Variants in C12orf42 observed in about 807,000 individuals in gnomAD.
The protein encoded by C12orf42 is chromosome 12 open reading frame 42.
A neutral mutation model predicts 21.6 loss-of-function variants in C12orf42; 25 were observed. The observed-to-expected ratio is 1.16, with a 90% CI of 0.84 to 1.62. The LOEUF (loss-of-function observed/expected upper bound fraction) is 1.62, where lower values mean the gene tolerates loss of function less well. C12orf42 is among the 40% of genes most tolerant of loss of function. The probability of loss-of-function intolerance (pLI) is 0.00; values close to 1 mark genes in which losing one functional copy is unlikely to be tolerated. For missense variants in C12orf42, 483 were observed against 459.3 expected (o/e 1.05, Z -0.47); for synonymous variants, 174 against 175.0 (o/e 0.99, Z 0.05).
chr12:103,442,253 T>G (rs760190982), intron 2 of C12orf42, among the ~76,000 whole-genome samples: 1 of 152,232 alleles, frequency 6.6e-6, no homozygotes, highest in African/African-American at 2.4e-5. Flanking sequence ...CCATAACTAA[T>G]GTTCATGCAT....
chr12:103,552,398 A>G, the C12orf42 span, among the ~76,000 whole-genome samples: 2 of 152,148 alleles, frequency 1.3e-5, no homozygotes, highest in Non-Finnish European at 2.9e-5. Context: ...TATTTATTAA[A>G]AACAAAAAAA....
chr12:103,208,308 C>T, the C12orf42 span, among the ~76,000 whole-genome samples: 1 of 152,196 alleles, frequency 6.6e-6, no homozygotes, highest in Non-Finnish European at 1.5e-5. Context: ...CTGATTACTT[C>T]TGGGGCTGAT....
intron 1 of C12orf42, among the ~76,000 whole-genome samples, chr12:103,484,348 G>A (rs1015750579): frequency 3.9e-5 from 6 of 152,064 alleles, no homozygotes; most frequent in Non-Finnish European, 5.9e-5. Context: ...TTTAATGATC[G>A]CCATTCTAAC....
chr12:103,367,229 G>A (rs1275905486), intron 4 of C12orf42, among the ~76,000 whole-genome samples: 1 of 152,026 alleles, frequency 6.6e-6, no homozygotes, highest in Non-Finnish European at 1.5e-5. Flanking sequence ...TCACTCATAA[G>A]TGGAAGCTAA....
chr12:103,178,346 T>A, the C12orf42 span: 1 of 152,208 alleles, frequency 6.6e-6, no homozygotes, highest in Non-Finnish European at 1.5e-5. Flanking sequence ...TGCCCTACAA[T>A]GCTGACTGGG....
intron 2 of C12orf42, among the ~76,000 whole-genome samples, chr12:103,472,684 T>G (rs1861958264): frequency 6.6e-6 from 1 of 151,668 alleles, no homozygotes. Flanking sequence ...ATTGTGAGAG[T>G]AGAACTAAAA....
intron 2 of C12orf42, among the ~76,000 whole-genome samples, chr12:103,434,806 C>G (rs373792883): frequency 7.2e-4 from 109 of 152,276 alleles, no homozygotes; most frequent in Non-Finnish European, 1.4e-3. Flanking sequence ...AACTGCAAGG[C>G]GGCAGCGAGG....
chr12:103,124,155 C>CTTTTT, the C12orf42 span, among the ~76,000 whole-genome samples: 167 of 75,986 alleles, frequency 2.2e-3, 7 homozygotes, highest in African/African-American at 6.6e-3. Context: ...CAAACATAAG[C>CTTTTT]TTTTTTTTTT....
At chr12:103,244,337 T>C (rs1423196287) in intron 10 of C12orf42, among the ~76,000 whole-genome samples, 2 of 151,934 alleles carry the variant, frequency 1.3e-5, no homozygotes, top group Non-Finnish European at 2.9e-5. Context: ...CAGTATGGCA[T>C]CTCCGAGATC....
intron 2 of C12orf42, among the ~76,000 whole-genome samples, chr12:103,435,084 T>G (rs1249841232): frequency 1.3e-5 from 2 of 152,054 alleles, no homozygotes; most frequent in East Asian, 1.9e-4. Context: ...CTCAAGTGGG[T>G]CCCTGACCCC....
At chr12:103,430,547 C>T (rs1950190589) in intron 2 of C12orf42, among the ~76,000 whole-genome samples, 2 of 152,188 alleles carry the variant, frequency 1.3e-5, no homozygotes, top group South Asian at 4.1e-4. Flanking sequence ...TTGTGGAAGA[C>T]AGTGTGGTGA....
chr12:103,493,527 C>G (rs1202307703), intron 1 of C12orf42, among the ~76,000 whole-genome samples: 1 of 152,010 alleles, frequency 6.6e-6, no homozygotes. Context: ...CCTGCATTCT[C>G]ACTTGCTTTA....
the C12orf42 span, among the ~76,000 whole-genome samples, chr12:103,104,748 A>G: frequency 6.6e-6 from 1 of 152,224 alleles, no homozygotes; most frequent in Admixed American, 6.5e-5. Flanking sequence ...TTCCATGTTT[A>G]TTCAGGAACA....
chr12:103,256,238 C>CT (rs1369993120), intron 10 of C12orf42, among the ~76,000 whole-genome samples: 1 of 145,470 alleles, frequency 6.9e-6, no homozygotes, highest in Non-Finnish European at 1.5e-5. Context: ...GTAGTTTTTG[C>CT]TTTTTAAATC....
At chr12:103,294,482 CAAGCAAGA>C (rs2037065617) in intron 4 of C12orf42, among the ~76,000 whole-genome samples, 3 of 86,766 alleles carry the variant, frequency 3.5e-5, no homozygotes, top group Admixed American at 1.0e-4. Flanking sequence ...AATAAGCAAG[CAAGCAAGA>C]AAGAAAGAAA....
chr12:103,092,165 CAAGAGATTT>C, the C12orf42 span, among the ~76,000 whole-genome samples: 1 of 152,184 alleles, frequency 6.6e-6, no homozygotes, highest in Non-Finnish European at 1.5e-5. Context: ...CTACAGGACT[CAAGAGATTT>C]CTATTACCTC....
chr12:103,558,556 T>C, the C12orf42 span: 6 of 152,236 alleles, frequency 3.9e-5, no homozygotes, highest in African/African-American at 1.4e-4. Flanking sequence ...TGATTTAATT[T>C]AATATCATCT....
chr12:103,407,727 C>A (rs903489006), intron 2 of C12orf42, among the ~76,000 whole-genome samples: 11 of 152,122 alleles, frequency 7.2e-5, no homozygotes, highest in African/African-American at 2.4e-4. Context: ...CGCACCCCAA[C>A]CTTCATGCTG....
At chr12:103,483,225 G>A (rs887886523) in intron 1 of C12orf42, among the ~76,000 whole-genome samples, 2 of 152,084 alleles carry the variant, frequency 1.3e-5, no homozygotes, top group African/African-American at 4.8e-5. Context: ...TTTGGGTGAT[G>A]ATGCGTGTAG....
Sources: allele counts gnomAD v4.1 joint callset (sites outside exome capture counted in the v4.1 genomes callset), GRCh38; gene constraint gnomAD v4.1.1; transcripts MANE v1.5; gene names NCBI Gene and HGNC (gene_info 2026-07-23, HGNC 2026-07-21).